Variants in SGCE observed in about 807,000 individuals in gnomAD.
SGCE encodes the protein sarcoglycan epsilon.
A neutral mutation model predicts 57.8 loss-of-function variants in SGCE; 26 were observed. The observed-to-expected ratio is 0.45, with a 90% CI of 0.33 to 0.62. The LOEUF is 0.62. SGCE is among the 20% of genes least tolerant of loss of function. The pLI is 0.02. For synonymous variants in SGCE, 183 were observed against 189.5 expected (o/e 0.97, Z 0.28); for missense variants, 468 against 548.6 (o/e 0.85, Z 1.47).
chr7:94,605,516 A>C (rs1278758721), intron 5 of SGCE, among the ~76,000 whole-genome samples: 2 of 152,170 alleles, frequency 1.3e-5, no homozygotes, highest in Non-Finnish European at 2.9e-5. Flanking sequence ...AAATGACAGC[A>C]ATGATACAAG....
At chr7:94,643,304 T>C (rs1806649011) in intron 1 of SGCE, among the ~76,000 whole-genome samples, 1 of 152,204 alleles carries the variant, frequency 6.6e-6, no homozygotes, top group African/African-American at 2.4e-5. Context: ...CAATGCATCA[T>C]TGCTCATACT....
At chr7:94,587,287 T>C in intron 10 of SGCE, 1 of 989,894 alleles carries the variant, frequency 1.0e-6, no homozygotes. Flanking sequence ...TAATATCATC[T>C]ACTCAAGTTT....
rs181799487 is a variant in SGCE, at chr7:94,652,435, G to A, written c.109+3555C>T. ...CACTTATTAGAATCAGAAACAATCT[G>A]AATATTTGACTTGGGAATTTTTTTA... On this transcript the variant is annotated intron_variant, in intron 1 of 10. Coordinates refer to ENST00000648936, the MANE Select transcript of SGCE (RefSeq NM_003919.3). Among the ~76,000 whole-genome samples, 6 of 152,288 alleles carry A rather than the reference G, an allele frequency of 3.9e-5. No individual in the cohort carries two copies. In the East Asian group the frequency reaches 1.2e-3, roughly 29 times the overall value.
intron 5 of SGCE, among the ~76,000 whole-genome samples, chr7:94,607,917 G>A (rs1173899744): frequency 6.6e-6 from 1 of 152,172 alleles, no homozygotes; most frequent in Non-Finnish European, 1.5e-5. Flanking sequence ...CAACGTTGCA[G>A]GAATCAGTAA....
chr7:94,643,922 G>A (rs17166404), intron 1 of SGCE, among the ~76,000 whole-genome samples: 19,462 of 152,086 alleles, frequency 0.13, 1,503 homozygotes, highest in South Asian at 0.25. Context: ...AACTTTTCAA[G>A]ATTAAATCTA....
intron 5 of SGCE, among the ~76,000 whole-genome samples, chr7:94,613,194 T>C (rs1801327576): frequency 6.6e-6 from 1 of 152,216 alleles, no homozygotes; most frequent in Non-Finnish European, 1.5e-5. Flanking sequence ...TTTTAAAAAG[T>C]ATATTTATGG....
intron 9 of SGCE, among the ~76,000 whole-genome samples, chr7:94,595,024 A>G (rs1348484186): frequency 1.3e-5 from 2 of 152,108 alleles, no homozygotes; most frequent in African/African-American, 4.8e-5. Context: ...AATGACCGAC[A>G]CTATCTATCC....
At chr7:94,587,032 A>G (rs2116548350) in intron 10 of SGCE, 1 of 984,476 alleles carries the variant, frequency 1.0e-6, no homozygotes, top group Non-Finnish European at 1.2e-6. Context: ...TCTAGTGTTA[A>G]CTAAAAAGGA....
chr7:94,634,995 C>A (rs958276285), intron 1 of SGCE, among the ~76,000 whole-genome samples: 3 of 152,112 alleles, frequency 2.0e-5, no homozygotes. Flanking sequence ...ACGAAGAGAT[C>A]TATGGATTAA....
chr7:94,598,267 A>G (rs1798707206), intron 9 of SGCE: 1 of 178,242 alleles, frequency 5.6e-6, no homozygotes, highest in African/African-American at 2.4e-5. Context: ...GGTTTGCACT[A>G]ATAAAATAGG....
intron 3 of SGCE, chr7:94,624,891 C>A (rs989301127): frequency 6.6e-6 from 1 of 151,778 alleles, no homozygotes; most frequent in Non-Finnish European, 1.5e-5. Context: ...TTAAATAATG[C>A]AGACTATTGA....
rs71123907 is a variant in SGCE, at chr7:94,648,376, C to CAAAAAAAAAAAAAAAAA, written c.109+7597_109+7613dup. Reference sequence around the variant, plus strand: ...GGCAACAAGAACAAAACTCTGTCTCCAAAAAAAAAAAAAAAAAAAAAAGAA... The same window carrying CAAAAAAAAAAAAAAAAA: ...GGCAACAAGAACAAAACTCTGTCTCCAAAAAAAAAAAAAAAAAAAAAAAAAAAAAAAAAAAAAAAGAA... On this transcript the variant is annotated intron_variant, in intron 1 of 10. Transcript: ENST00000648936. Among the ~76,000 whole-genome samples, 133 of 65,070 alleles carry CAAAAAAAAAAAAAAAAA rather than the reference C, an allele frequency of 2.0e-3. 1 individual carries two copies. Among genetic ancestry groups the CAAAAAAAAAAAAAAAAA allele is most frequent in the Non-Finnish European group, 2.9e-3 (104 of 36,290 alleles). The allele number at this position is 65,070 out of a possible 152,430, so 42.7% of individuals were successfully genotyped here.
At chr7:94,587,734 A>T (rs1323356264) in intron 10 of SGCE, 6 of 1,533,392 alleles carry the variant, frequency 3.9e-6, no homozygotes, top group Non-Finnish European at 4.4e-6. Flanking sequence ...ATTCTGATAA[A>T]CATCTTGTAA....
rs115037527 is a variant in SGCE at position 94,645,710 on chromosome 7, G to T, written c.109+10280C>A. On this transcript the variant is annotated intron_variant, in intron 1 of 10. Transcript: ENST00000648936. ...TCTGTGCCTCATCTGGAATAGAATAGTACCCATATCAGTGACATACTGTTG... is the reference window on the plus strand; with the variant it reads ...TCTGTGCCTCATCTGGAATAGAATATTACCCATATCAGTGACATACTGTTG... Among the ~76,000 whole-genome samples the T allele has an allele frequency of 4.2e-3, 639 of 152,148 alleles. 1 individual carries two copies. The highest frequency in any genetic ancestry group is 0.015 in the African/African-American group (605 of 41,524).
At chr7:94,624,162 CAAAAA>C in intron 3 of SGCE, 3 of 351,386 alleles carry the variant, frequency 8.5e-6, no homozygotes, top group Non-Finnish European at 9.8e-6. Flanking sequence ...TGCAGTACCT[CAAAAA>C]AAAAAAAAAA....
chr7:94,605,314 A>C (rs995678471), intron 5 of SGCE, among the ~76,000 whole-genome samples: 1 of 149,316 alleles, frequency 6.7e-6, no homozygotes, highest in Non-Finnish European at 1.5e-5. Context: ...AAATGATATA[A>C]GTCAGAAACT....
At chr7:94,621,992 A>G (rs1395361496) in intron 4 of SGCE, 1 of 152,142 alleles carries the variant, frequency 6.6e-6, no homozygotes, top group Non-Finnish European at 1.5e-5. Flanking sequence ...ATACCGGTAA[A>G]CACCTGGGGG....
At position 94,600,723 on chromosome 7, in the gene SGCE, T is replaced by C; in HGVS notation, c.960A>G (p.Thr320=). 1 of 1,613,868 alleles carries C rather than the reference T, an allele frequency of 6.2e-7. No individual in the cohort carries two copies. Among genetic ancestry groups the C allele is most frequent in the Non-Finnish European group, 8.5e-7 (1 of 1,179,868 alleles). ...GTGCCACTGCCGAGGGCACAGCCAGTGTAATTAGGAAATCCGTGTAATAGT... is the reference window on the plus strand; with the variant it reads ...GTGCCACTGCCGAGGGCACAGCCAGCGTAATTAGGAAATCCGTGTAATAGT... ...SRDYYTDFLI[T]LAVPSAVALV... Residue 320 remains threonine (T), a synonymous_variant, in exon 7 of 11, where the codon ACA becomes ACG. Coordinates refer to ENST00000648936, the MANE Select transcript of SGCE (RefSeq NM_003919.3).
intron 5 of SGCE, among the ~76,000 whole-genome samples, chr7:94,608,889 T>C (rs1284177612): frequency 3.3e-5 from 5 of 152,172 alleles, no homozygotes; most frequent in Admixed American, 1.3e-4. Context: ...TGAATCTAGA[T>C]ACATATGCCC....
Sources: gnomAD v4.1 joint callset for allele counts (sites outside exome capture counted in the v4.1 genomes callset) on GRCh38, gnomAD v4.1.1 for gene constraint, MANE v1.5 for transcripts, NCBI Gene and HGNC (gene_info 2026-07-23, HGNC 2026-07-21) for gene names.